ZNF624: variants seen among roughly 807,000 people sequenced by gnomAD.
ZNF624 encodes zinc finger protein 624.
A neutral mutation model predicts 74.7 loss-of-function variants in ZNF624; 43 were observed. The observed-to-expected ratio is 0.58, with a 90% CI of 0.45 to 0.74. The LOEUF (loss-of-function observed/expected upper bound fraction) is 0.74, where lower values mean the gene tolerates loss of function less well. ZNF624 is among the 30% of genes least tolerant of loss of function. ZNF624 has a pLI of 0.00. For synonymous variants in ZNF624, 331 were observed against 341.3 expected, an observed-to-expected ratio of 0.97 and a Z score of 0.33; for missense variants, 820 against 1,030.0, an observed-to-expected ratio of 0.80 and a Z score of 2.79.
At chr17:16,647,441 C>G (rs1909620373) in intron 2 of ZNF624, 47 bp from the exon 3 acceptor site, 1 of 1,541,720 alleles carries the variant, frequency 6.5e-7, no homozygotes, top group South Asian at 1.1e-5. Flanking sequence ...CTGCCTATGA[C>G]TTACAGCAGA....
rs948144410 is a variant in ZNF624 at position 16,653,800 on chromosome 17, A to T, written c.-39T>A. On this transcript the variant is annotated 5_prime_UTR_variant, in exon 1 of 6. Transcript: ENST00000311331. ...ACTGAGGACAACTGAGGGAACTCGC[A>T]GAGCAGGGCGGGAACGCTTCCAGCA... 6 of 152,748 alleles carry T rather than the reference A, an allele frequency of 3.9e-5. No individual in the cohort carries two copies. Among genetic ancestry groups the T allele is most frequent in the African/African-American group, 1.4e-4 (6 of 41,476 alleles). The allele number at this position is 152,748 out of a possible 1,614,324, so 9.5% of individuals were successfully genotyped here.
At chr17:16,627,902 C>T (rs1303030716) in intron 5 of ZNF624, among the ~76,000 whole-genome samples, 1 of 152,114 alleles carries the variant, frequency 6.6e-6, no homozygotes, top group African/African-American at 2.4e-5. Flanking sequence ...AATCTAGAAC[C>T]TCCTAATATT....
chr17:16,647,025 A>G (rs1909609130), intron 3 of ZNF624, among the ~76,000 whole-genome samples: 1 of 152,202 alleles, frequency 6.6e-6, no homozygotes, highest in African/African-American at 2.4e-5. Context: ...TATTTCCACA[A>G]TGTTGATGTA....
chr17:16,620,101 T>A (rs978979106), downstream of ZNF624, among the ~76,000 whole-genome samples: 2 of 152,240 alleles, frequency 1.3e-5, no homozygotes, highest in Admixed American at 6.5e-5. Context: ...CAATGTTAAA[T>A]ACATATTTAC....
chr17:16,653,419 G>A (rs886629738), intron 1 of ZNF624: 2 of 152,346 alleles, frequency 1.3e-5, no homozygotes, highest in African/African-American at 2.4e-5. Flanking sequence ...GGGAAGACCG[G>A]GAAAGTCGGG....
At chr17:16,647,893 T>C (rs1241836491) in intron 2 of ZNF624, among the ~76,000 whole-genome samples, 1 of 152,100 alleles carries the variant, frequency 6.6e-6, no homozygotes, top group East Asian at 1.9e-4. Context: ...TTAGAAACTG[T>C]ATCTCCATGA....
chr17:16,646,814 CTTG>C (rs1569048483), intron 3 of ZNF624, among the ~76,000 whole-genome samples: 1 of 152,174 alleles, frequency 6.6e-6, no homozygotes, highest in Non-Finnish European at 1.5e-5. Context: ...CTTAGACAGG[CTTG>C]TTAAGACAAT....
downstream of ZNF624, among the ~76,000 whole-genome samples, chr17:16,618,118 C>A (rs2142557091): frequency 6.6e-6 from 1 of 152,216 alleles, no homozygotes; most frequent in African/African-American, 2.4e-5. Context: ...TCAGGTGGAT[C>A]ACTTGAAGTC....
At chr17:16,651,599 G>C (rs1266128181) in intron 1 of ZNF624, among the ~76,000 whole-genome samples, 1 of 152,138 alleles carries the variant, frequency 6.6e-6, no homozygotes, top group Admixed American at 6.5e-5. Flanking sequence ...AGAATAGTCT[G>C]AGGGGATTCC....
In ZNF624 at chr17:16,621,273, TTATC is replaced by T. The variant is rs1908905616; in HGVS notation, c.*1011_*1014del. On this transcript the variant is annotated 3_prime_UTR_variant, in exon 6 of 6. Transcript: ENST00000311331. ...TTCCATAATATGGGTATGTCACAAT[TTATC>T]TAACCAGTTCCCTATTAATGGGCAT... The T allele has an allele frequency of 6.6e-6, 1 of 152,276 alleles. No homozygotes were observed. The highest frequency in any genetic ancestry group is 1.5e-5 in the Non-Finnish European group (1 of 68,052). 9.4% of individuals were successfully genotyped at this position (152,276 alleles called of 1,614,324 possible).
the ZNF624 span, among the ~76,000 whole-genome samples, chr17:16,614,513 A>G: frequency 6.6e-6 from 1 of 152,230 alleles, no homozygotes; most frequent in Non-Finnish European, 1.5e-5. Context: ...TCCTATGTCT[A>G]TCAAATCATT....
intron 2 of ZNF624, among the ~76,000 whole-genome samples, chr17:16,649,299 T>C (rs1909664023): frequency 6.6e-6 from 1 of 152,164 alleles, no homozygotes; most frequent in Non-Finnish European, 1.5e-5. Context: ...ACATATATTT[T>C]CCCCATAATT....
intron 3 of ZNF624, among the ~76,000 whole-genome samples, chr17:16,640,247 AG>A (rs1265768714): frequency 2.0e-5 from 3 of 152,164 alleles, no homozygotes; most frequent in Admixed American, 6.5e-5. Context: ...ATTCAACGGT[AG>A]TAGCTGGACA....
At chr17:16,634,782 T>C (rs1351105017) in intron 3 of ZNF624, 26 bp from the exon 4 acceptor site, 2 of 1,595,058 alleles carry the variant, frequency 1.3e-6, no homozygotes, top group African/African-American at 2.7e-5. Flanking sequence ...TGTGATCACT[T>C]AGAAACTATA....
Position 16,623,957 on chromosome 17 carries a change from CCA to C in ZNF624, c.927_928del (p.Cys309TrpfsTer24). ...ATATGAAGGCTGGCTGAATGTTTTC[CCA>C]CATTCATTACATTCATAAGGTTTTT... On this transcript the variant is annotated frameshift_variant, in exon 6 of 6. Coordinates refer to ENST00000311331, the MANE Select transcript of ZNF624 (RefSeq NM_020787.4). LOFTEE classifies it high-confidence loss of function. The surrounding 1 kb of genome is among the most constrained non-coding windows in gnomAD (Gnocchi z 5.3). 1 of 1,613,906 alleles carries C rather than the reference CCA, an allele frequency of 6.2e-7. No homozygotes were observed. Among genetic ancestry groups the C allele is most frequent in the East Asian group, 2.2e-5 (1 of 44,866 alleles).
At chr17:16,631,914 A>T (rs1019565866) in intron 5 of ZNF624, among the ~76,000 whole-genome samples, 1 of 152,240 alleles carries the variant, frequency 6.6e-6, no homozygotes, top group Admixed American at 6.5e-5. Context: ...CAATCCCTAA[A>T]CATAATTTGC....
downstream of ZNF624, among the ~76,000 whole-genome samples, chr17:16,619,885 G>A (rs1908866056): frequency 6.6e-6 from 1 of 152,216 alleles, no homozygotes; most frequent in Admixed American, 6.5e-5. Flanking sequence ...ACCATGCGAT[G>A]TCAACTCTGT....
chr17:16,649,805 A>G (rs888419837), intron 1 of ZNF624, 59 bp from the exon 2 acceptor site: 16 of 1,401,600 alleles, frequency 1.1e-5, no homozygotes, highest in Admixed American at 3.5e-5. Flanking sequence ...CAGACTCACC[A>G]AGTTGGAATC....
In ZNF624 at chr17:16,624,067, T is replaced by C. The variant is rs771538372; in HGVS notation, c.819A>G (p.Glu273=). The C allele has an allele frequency of 6.2e-7, 1 of 1,614,152 alleles. No individual in the cohort carries two copies. Among genetic ancestry groups the C allele is most frequent in the Non-Finnish European group, 8.5e-7 (1 of 1,180,020 alleles). Residue 273 remains glutamate (E), a synonymous_variant, in exon 6 of 6, where the codon GAA becomes GAG. Transcript: ENST00000311331. ...LTLGKKSNNK[E]KPYKCSTCEK... The stretch of plus-strand genomic sequence containing the variant: ...CGCATGTACTACATTTGTAGGGTTT[T>C]TCCTTATTATTGGATTTTTTCCCCA...
Sources: gnomAD v4.1 joint callset for allele counts (sites outside exome capture counted in the v4.1 genomes callset) on GRCh38, gnomAD v4.1.1 for gene constraint, Gnocchi (gnomAD v3.1) non-coding constraint, MANE v1.5 for transcripts, NCBI Gene and HGNC (gene_info 2026-07-23, HGNC 2026-07-21) for gene names.